The following CERS1 variants were observed in gnomAD, a reference collection of about 807,000 sequenced individuals.
CERS1 encodes the protein ceramide synthase 1.
A neutral mutation model predicts 35.7 loss-of-function variants in CERS1; 16 were observed. The ratio of observed to expected loss-of-function variants is 0.45; its 90% CI spans 0.30 to 0.68. The LOEUF is 0.68. Among genes scored for constraint, CERS1 ranks in the 30% least tolerant of loss-of-function variants. The probability of loss-of-function intolerance (pLI) is 0.08; values close to 1 mark genes in which losing one functional copy is unlikely to be tolerated. For synonymous variants in CERS1, 243 were observed against 201.6 expected, an observed-to-expected ratio of 1.21 and a Z score of -1.74; for missense variants, 454 against 453.9, an observed-to-expected ratio of 1.00 and a Z score of 0.00.
chr19:18,869,520 G>A, intron 7 of CERS1, 130 bp from the exon 8 acceptor site: 1 of 1,260,142 alleles, frequency 7.9e-7, no homozygotes, highest in Non-Finnish European at 1.1e-6. Context: ...GGTGTGAAGC[G>A]GCGGGGTGGG....
chr19:18,886,802 T>C (rs907918167), intron 2 of CERS1, among the ~76,000 whole-genome samples: 5 of 152,222 alleles, frequency 3.3e-5, no homozygotes, highest in African/African-American at 9.6e-5. Context: ...CATCTCGGCC[T>C]GGCCCCTTCT....
rs1441424796 is a variant in CERS1 at position 18,870,301 on chromosome 19, G to GTGGCATCT, written c.*268_*275dup. 198 of 1,546,230 alleles carry GTGGCATCT rather than the reference G, an allele frequency of 1.3e-4. No homozygotes were observed. The highest frequency in any genetic ancestry group is 1.7e-4 in the Non-Finnish European group (191 of 1,146,884). On this transcript the variant is annotated 3_prime_UTR_variant, in exon 7 of 8. Transcript: ENST00000623882. The surrounding 1 kb of genome is among the most constrained non-coding windows in gnomAD (Gnocchi z 5.1). Reference sequence around the variant, plus strand: ...TGGCCGCAGGGACCTTGCTGCGGCGGTGGCATCTTCCTCCCAGGCGATGAC... The same window carrying GTGGCATCT: ...TGGCCGCAGGGACCTTGCTGCGGCGGTGGCATCTTGGCATCTTCCTCCCAGGCGATGAC...
At chr19:18,890,941 T>C (rs1465994654) in intron 2 of CERS1, among the ~76,000 whole-genome samples, 1 of 151,776 alleles carries the variant, frequency 6.6e-6, no homozygotes, top group African/African-American at 2.4e-5. Flanking sequence ...CTGGCCAACA[T>C]GGTGAAACCT....
Position 18,885,511 on chromosome 19 carries a change from G to GT in CERS1, c.410-1245dup, listed in dbSNP as rs59793456. Among the ~76,000 whole-genome samples the GT allele has an allele frequency of 3.0e-3, 66 of 22,122 alleles. 5 individuals carry two copies. The highest frequency in any genetic ancestry group is 4.7e-3 in the African/African-American group (41 of 8,710). 14.5% of individuals were successfully genotyped at this position (22,122 alleles called of 152,430 possible). A position where few individuals can be genotyped will look rare whatever the true frequency, so the allele number is the denominator to read the frequency against. On this transcript the variant is annotated intron_variant, in intron 2 of 7. Transcript: ENST00000623882. Reference sequence around the variant, plus strand: ...CTCACCCAGCCCAGCGCCCCTTCTCGTTTTTTTTTTTTTTTTTTTTTTTTT... The same window carrying GT: ...CTCACCCAGCCCAGCGCCCCTTCTCGTTTTTTTTTTTTTTTTTTTTTTTTTT...
rs746326819 is a variant in CERS1, at chr19:18,884,263, C to A, written c.414G>T (p.Trp138Cys). 1 of 1,611,240 alleles carries A rather than the reference C, an allele frequency of 6.2e-7. No individual in the cohort carries two copies. The highest frequency in any genetic ancestry group is 1.1e-5 in the South Asian group (1 of 90,732). Residue 138 changes from tryptophan to cysteine, a missense_variant, in exon 3 of 8, where the codon TGG (tryptophan) becomes TGT (cysteine). Physicochemically the swap from Trp to Cys is radical, Grantham distance 215 (BLOSUM62 -2). Transcript: ENST00000623882. ...FHDPPSVFYDWTPGMAVPRDI... is the reference protein window; with the variant it reads ...FHDPPSVFYDCTPGMAVPRDI... The stretch of plus-strand genomic sequence containing the variant: ...CCCGTGGCACTGCCATGCCCGGCGT[C>A]CAGTCTGGGGAGAGCCAAATCTCAC...
At position 18,868,939 on chromosome 19, in the gene CERS1, C is replaced by G. The variant is rs2055906659; in HGVS notation, c.*1046G>C. 1 of 1,279,578 alleles carries G rather than the reference C, an allele frequency of 7.8e-7. No homozygotes were observed. Among genetic ancestry groups the G allele is most frequent in the Admixed American group, 4.0e-5 (1 of 24,924 alleles). 79.3% of individuals were successfully genotyped at this position (1,279,578 alleles called of 1,614,324 possible). ...GACAAGCGCCCCCGGGGCCGCCGCC[C>G]AACACGGGTTCGGCGTCGCGCCGCG... is the stretch of plus-strand genomic sequence containing the variant. On this transcript the variant is annotated 3_prime_UTR_variant, in exon 8 of 8. Transcript: ENST00000623882.
intron 2 of CERS1, among the ~76,000 whole-genome samples, chr19:18,889,067 T>A (rs1166573212): frequency 1.3e-5 from 2 of 151,708 alleles, no homozygotes; most frequent in Non-Finnish European, 2.9e-5. Flanking sequence ...AATTTTTGTA[T>A]TTTTAGTAGA....
At chr19:18,885,068 G>C (rs1446818857) in intron 2 of CERS1, among the ~76,000 whole-genome samples, 1 of 152,124 alleles carries the variant, frequency 6.6e-6, no homozygotes, top group Non-Finnish European at 1.5e-5. Context: ...AAATTGAGCA[G>C]ATAGGACAGA....
chr19:18,869,947 T>TCCAGGACCAGTGTCC (rs1257085738), intron 7 of CERS1, 36 bp downstream of exon 7: 3 of 1,551,232 alleles, frequency 1.9e-6, no homozygotes, highest in Non-Finnish European at 2.6e-6. Flanking sequence ...AGGTCTGGCC[T>TCCAGGACCAGTGTCC]CCAGGACCAG....
In CERS1 at chr19:18,868,798, C is replaced by G. The variant is rs1249368692; in HGVS notation, c.*1187G>C. The G allele has an allele frequency of 2.7e-6, 4 of 1,457,362 alleles. No individual in the cohort carries two copies. The South Asian group carries it at 3.7e-5, about 14-fold the overall frequency. The allele number at this position is 1,457,362 out of a possible 1,614,324, so 90.3% of individuals were successfully genotyped here. A position where few individuals can be genotyped will look rare whatever the true frequency, so the allele number is the denominator to read the frequency against. On this transcript the variant is annotated 3_prime_UTR_variant, in exon 8 of 8. Coordinates refer to ENST00000623882, the MANE Select transcript of CERS1 (RefSeq NM_021267.5). Reference sequence around the variant, plus strand: ...GCGCCGGCGGCCCCCCGGACCCCGACAGCGCGACGGGCAGCGCGCACTGAC... The same window carrying G: ...GCGCCGGCGGCCCCCCGGACCCCGAGAGCGCGACGGGCAGCGCGCACTGAC...
intron 2 of CERS1, among the ~76,000 whole-genome samples, chr19:18,892,628 A>C (rs1458068957): frequency 3.3e-5 from 5 of 151,954 alleles, no homozygotes; most frequent in African/African-American, 4.8e-5. Flanking sequence ...AAAGAAAAAC[A>C]ACCACATCCA....
chr19:18,895,997 C>G lies in CERS1; in HGVS notation c.76G>C (p.Gly26Arg). 9.7e-7 allele frequency: 1 copy of G among 1,032,116 alleles called. No homozygotes were observed. The highest frequency in any genetic ancestry group is 1.2e-6 in the Non-Finnish European group (1 of 861,100). The allele number at this position is 1,032,116 out of a possible 1,614,324, so 63.9% of individuals were successfully genotyped here. ...GCCGCCGCCAGCGCGCTGCCCCAGC[C>G]GCGCTGCACTAGCTGCGCGTAGCTC... ...MPSYAQLVQR[G>R]WGSALAAARG... Residue 26 changes from glycine to arginine, a missense_variant, in exon 1 of 8, where the codon GGC (glycine) becomes CGC (arginine). Coordinates refer to ENST00000623882, the MANE Select transcript of CERS1 (RefSeq NM_021267.5). This position sits in a 1 kb window ranked among gnomAD's most constrained non-coding sequence, Gnocchi z 6.4.
Position 18,878,445 on chromosome 19 carries a change from G to C in CERS1, c.1010+485C>G, listed in dbSNP as rs1202818757. 4 of 990,312 alleles carry C rather than the reference G, an allele frequency of 4.0e-6. No homozygotes were observed. Among genetic ancestry groups the C allele is most frequent in the Non-Finnish European group, 4.8e-6 (4 of 832,764 alleles). The allele number at this position is 990,312 out of a possible 1,614,324, so 61.3% of individuals were successfully genotyped here. ...GCCCCAGCTCCTGTTTGGCCGGGCAGTGGGCTCCCCTGTCAAACTCAGAGG... is the reference window on the plus strand; with the variant it reads ...GCCCCAGCTCCTGTTTGGCCGGGCACTGGGCTCCCCTGTCAAACTCAGAGG... On this transcript the variant is annotated intron_variant, in intron 6 of 7. Coordinates refer to ENST00000623882, the MANE Select transcript of CERS1 (RefSeq NM_021267.5). This position sits in a 1 kb window ranked among gnomAD's most constrained non-coding sequence, Gnocchi z 4.6.
At chr19:18,874,771 G>A (rs2056032484) in intron 6 of CERS1, among the ~76,000 whole-genome samples, 1 of 152,198 alleles carries the variant, frequency 6.6e-6, no homozygotes, top group Non-Finnish European at 1.5e-5. Flanking sequence ...TCAGGGGAAG[G>A]GGTACAGATG....
In CERS1 at chr19:18,869,362, G is replaced by A. The variant is rs778213666; in HGVS notation, c.*623C>T. The A allele has an allele frequency of 1.0e-5, 16 of 1,532,140 alleles. No individual in the cohort carries two copies. The East Asian group carries it at 4.0e-4, about 38-fold the overall frequency. 94.9% of individuals were successfully genotyped at this position (1,532,140 alleles called of 1,614,324 possible). A position where few individuals can be genotyped will look rare whatever the true frequency, so the allele number is the denominator to read the frequency against. On this transcript the variant is annotated 3_prime_UTR_variant, in exon 8 of 8. Coordinates refer to ENST00000623882, the MANE Select transcript of CERS1 (RefSeq NM_021267.5). ...ACTCAGGGCAATGCCCCGCGGCCGA[G>A]GCAGGCTCCGAGGCCCGGGTGGGCG... is the stretch of plus-strand genomic sequence containing the variant.
rs1333497341 is a variant in CERS1 at position 18,869,070 on chromosome 19, C to G, written c.*915G>C. 1.6e-5 allele frequency: 17 copies of G among 1,059,360 alleles called. No homozygotes were observed. The highest frequency in any genetic ancestry group is 5.5e-5 in the Admixed American group (1 of 18,128). The allele number at this position is 1,059,360 out of a possible 1,614,324, so 65.6% of individuals were successfully genotyped here. A position where few individuals can be genotyped will look rare whatever the true frequency, so the allele number is the denominator to read the frequency against. The stretch of plus-strand genomic sequence containing the variant: ...GGGGCCCGGGGGCGTAGCGCCAGCG[C>G]CAGGCGGAGGCTGCGCGGCCATGAG... On this transcript the variant is annotated 3_prime_UTR_variant, in exon 8 of 8. Transcript: ENST00000623882.
At chr19:18,876,889 G>T (rs1285549293) in intron 6 of CERS1, among the ~76,000 whole-genome samples, 2 of 152,108 alleles carry the variant, frequency 1.3e-5, no homozygotes, top group African/African-American at 4.8e-5. Flanking sequence ...TCTTGGTGAA[G>T]GTCCCTTTCC....
In CERS1 at chr19:18,896,152, C is replaced by G; in HGVS notation, c.-80G>C. The stretch of plus-strand genomic sequence containing the variant: ...GAGCCGCGCGCCCCGCGTCACGCGC[C>G]GCAGCTGGGCCGGGGGCGCGCGGGC... On this transcript the variant is annotated 5_prime_UTR_variant, in exon 1 of 8. Coordinates refer to ENST00000623882, the MANE Select transcript of CERS1 (RefSeq NM_021267.5). This position sits in a 1 kb window ranked among gnomAD's most constrained non-coding sequence, Gnocchi z 5.9. The G allele has an allele frequency of 2.0e-6, 1 of 506,696 alleles. No homozygotes were observed. Among genetic ancestry groups the G allele is most frequent in the Non-Finnish European group, 2.5e-6 (1 of 395,782 alleles). 31.4% of individuals were successfully genotyped at this position (506,696 alleles called of 1,614,324 possible).
intron 2 of CERS1, among the ~76,000 whole-genome samples, chr19:18,889,775 C>A (rs1010015730): frequency 9.2e-5 from 14 of 152,076 alleles, no homozygotes; most frequent in Admixed American, 7.9e-4. Context: ...TTGGGACACT[C>A]AATGCCACCC....
Sources: gnomAD v4.1 joint callset for allele counts (sites outside exome capture counted in the v4.1 genomes callset) on GRCh38, gnomAD v4.1.1 for gene constraint, Gnocchi (gnomAD v3.1) non-coding constraint, MANE v1.5 for transcripts, NCBI Gene and HGNC (gene_info 2026-07-23, HGNC 2026-07-21) for gene names.